NFIB: variants seen among roughly 807,000 people sequenced by gnomAD.
NFIB encodes nuclear factor I B, also known as nuclear factor 1 B-type.
Under a neutral mutation model 61.5 loss-of-function variants are expected in NFIB, and 11 were observed. The ratio of observed to expected loss-of-function variants is 0.18; its 90% CI spans 0.11 to 0.30. NFIB has a LOEUF of 0.30. Ranked by LOEUF, NFIB falls within the 10% of genes least tolerant of loss-of-function variation. The pLI, the probability that NFIB is intolerant of heterozygous loss-of-function variation, is 1.00. For synonymous variants in NFIB, 260 were observed against 216.5 expected (o/e 1.20, Z -1.76); for missense variants, 471 against 608.9 (o/e 0.77, Z 2.38).
At chr9:14,331,572 T>G (rs187832887) in intron 1 of NFIB, among the ~76,000 whole-genome samples, 1 of 152,258 alleles carries the variant, frequency 6.6e-6, no homozygotes, top group East Asian at 1.9e-4. Flanking sequence ...GGTAAACCAG[T>G]TTGGGTTGAA....
chr9:14,332,869 T>C (rs1016784645), intron 1 of NFIB, among the ~76,000 whole-genome samples: 4 of 152,220 alleles, frequency 2.6e-5, no homozygotes, highest in African/African-American at 9.6e-5. Flanking sequence ...GCTGTTGTTC[T>C]GAGGCCATGA....
At chr9:14,523,031 G>A in the NFIB span, among the ~76,000 whole-genome samples, 1 of 152,154 alleles carries the variant, frequency 6.6e-6, no homozygotes, top group Non-Finnish European at 1.5e-5. Flanking sequence ...AAGCATGAGA[G>A]AGTTGAGGGA....
the NFIB span, among the ~76,000 whole-genome samples, chr9:14,477,899 A>G: frequency 1.3e-5 from 2 of 152,260 alleles, no homozygotes; most frequent in Admixed American, 6.5e-5. Flanking sequence ...TGTATTTGTA[A>G]TCCTGATGTT....
At chr9:14,195,270 G>T (rs778503899) in intron 2 of NFIB, among the ~76,000 whole-genome samples, 2 of 152,178 alleles carry the variant, frequency 1.3e-5, no homozygotes, top group Non-Finnish European at 2.9e-5. Flanking sequence ...TCATCCATCT[G>T]CAAAGCTCTG....
At chr9:14,398,329 A>T (rs1001833806) in intron 1 of NFIB, among the ~76,000 whole-genome samples, 2 of 152,132 alleles carry the variant, frequency 1.3e-5, no homozygotes, top group African/African-American at 4.8e-5. Flanking sequence ...TTCTGTTACC[A>T]TTTCCAAATA....
chr9:14,458,070 A>G, the NFIB span, among the ~76,000 whole-genome samples: 1 of 152,226 alleles, frequency 6.6e-6, no homozygotes, highest in Non-Finnish European at 1.5e-5. Context: ...ACAAAAAAAG[A>G]GAATTTTAGA....
upstream of NFIB, among the ~76,000 whole-genome samples, chr9:14,315,725 C>G (rs1196590625): frequency 1.3e-5 from 2 of 151,794 alleles, no homozygotes; most frequent in Non-Finnish European, 2.9e-5. Context: ...CGCCTTGCAC[C>G]CTTTCTGCAC....
chr9:14,427,937 GTTTTT>G, the NFIB span, among the ~76,000 whole-genome samples: 169 of 43,352 alleles, frequency 3.9e-3, no homozygotes, highest in African/African-American at 0.012. Flanking sequence ...TAATTCAGTT[GTTTTT>G]TTTTTTTTTT....
Position 14,276,791 on chromosome 9 carries a change from ATCTG to A in NFIB, c.562+30194_562+30197del, listed in dbSNP as rs2058034456. On this transcript the variant is annotated intron_variant, in intron 2 of 10. Transcript: ENST00000380953. Reference sequence around the variant, plus strand: ...TTCTTAGGGACTGTTTGCCTTCCATATCTGTCTTATTAATATAGCTTCATGCAGT... The same window carrying A: ...TTCTTAGGGACTGTTTGCCTTCCATATCTTATTAATATAGCTTCATGCAGT... 2.6e-5 allele frequency among the ~76,000 whole-genome samples: 4 copies of A among 152,086 alleles called. No individual in the cohort carries two copies. In the South Asian group the frequency reaches 8.3e-4, roughly 32 times the overall value.
rs2032657280 is a variant in NFIB, at chr9:14,085,177, G to C, written c.*3132C>G. On this transcript the variant is annotated 3_prime_UTR_variant, in exon 11 of 11. Coordinates refer to ENST00000380953, the MANE Select transcript of NFIB (RefSeq NM_001190737.2). ...AGCATTTGGGCTATCAAACTGAATG[G>C]GCTAATCAAATACAATTCTCCAGCC... 2.6e-5 allele frequency: 6 copies of C among 228,838 alleles called. No homozygotes were observed. The East Asian group carries it at 3.7e-4, about 14-fold the overall frequency. 14.2% of individuals were successfully genotyped at this position (228,838 alleles called of 1,614,324 possible).
At chr9:14,170,432 A>G (rs2045440839) in intron 3 of NFIB, among the ~76,000 whole-genome samples, 1 of 152,168 alleles carries the variant, frequency 6.6e-6, no homozygotes, top group Non-Finnish European at 1.5e-5. Context: ...ACTTCAGCCC[A>G]GGAGCTGGGG....
At chr9:14,475,998 G>A in the NFIB span, among the ~76,000 whole-genome samples, 25 of 152,024 alleles carry the variant, frequency 1.6e-4, no homozygotes, top group African/African-American at 5.8e-4. Context: ...TAAAAAAATT[G>A]GACTTAACAA....
At chr9:14,275,757 C>T (rs988618691) in intron 2 of NFIB, among the ~76,000 whole-genome samples, 17 of 152,102 alleles carry the variant, frequency 1.1e-4, no homozygotes, top group African/African-American at 4.1e-4. Flanking sequence ...TCAAATGGCA[C>T]TAAAAATAGA....
the NFIB span, among the ~76,000 whole-genome samples, chr9:14,427,454 C>T: frequency 1.3e-5 from 2 of 152,102 alleles, no homozygotes; most frequent in Non-Finnish European, 2.9e-5. Context: ...AAGTAACTTT[C>T]CTAAAGTCAT....
intron 2 of NFIB, among the ~76,000 whole-genome samples, chr9:14,278,866 A>C (rs1031276562): frequency 3.3e-5 from 5 of 152,198 alleles, no homozygotes; most frequent in African/African-American, 1.2e-4. Context: ...AACTACAGGC[A>C]TACTGAGGGG....
chr9:14,293,712 C>A (rs1230555189), intron 2 of NFIB, among the ~76,000 whole-genome samples: 1 of 152,144 alleles, frequency 6.6e-6, no homozygotes, highest in South Asian at 2.1e-4. Flanking sequence ...CTTATCAATG[C>A]CAGATACCAA....
chr9:14,198,932 A>G (rs143199723), intron 2 of NFIB, among the ~76,000 whole-genome samples: 4 of 152,326 alleles, frequency 2.6e-5, no homozygotes, highest in Non-Finnish European at 5.9e-5. Context: ...ACATGTGTAC[A>G]GTGAATCCTA....
At chr9:14,363,104 G>C (rs927658950) in intron 1 of NFIB, among the ~76,000 whole-genome samples, 1 of 152,132 alleles carries the variant, frequency 6.6e-6, no homozygotes, top group Non-Finnish European at 1.5e-5. Context: ...GGATCTGCTA[G>C]AGAAATTGCA....
chr9:14,140,851 T>A (rs1350641017), intron 6 of NFIB, among the ~76,000 whole-genome samples: 1 of 152,112 alleles, frequency 6.6e-6, no homozygotes, highest in Non-Finnish European at 1.5e-5. Flanking sequence ...GGAGGATCAC[T>A]TGAACCTGGG....
Sources: allele counts gnomAD v4.1 joint callset (sites outside exome capture counted in the v4.1 genomes callset), GRCh38; gene constraint gnomAD v4.1.1; transcripts MANE v1.5; gene names NCBI Gene and HGNC (gene_info 2026-07-23, HGNC 2026-07-21).